Variants in NSG2 observed in about 807,000 individuals in gnomAD.
The protein encoded by NSG2 is neuronal vesicle trafficking-associated protein 2.
NSG2 carries 4 observed loss-of-function variants against 16.9 expected under a neutral mutation model. That is an observed-to-expected ratio of 0.24 (90% CI 0.12 to 0.54). The LOEUF (loss-of-function observed/expected upper bound fraction) is 0.54. Ranked by LOEUF, NSG2 falls within the 20% of genes least tolerant of loss-of-function variation. The pLI is 0.95. For synonymous variants in NSG2, 98 were observed against 88.7 expected (o/e 1.11, Z -0.59); for missense variants, 179 against 221.1 (o/e 0.81, Z 1.21).
In NSG2 at chr5:174,083,601, G is replaced by A. The variant is rs571643533; in HGVS notation, c.213+19286G>A. Among the ~76,000 whole-genome samples, 396 of 152,268 alleles carry A rather than the reference G, an allele frequency of 2.6e-3. 2 individuals carry two copies. Among genetic ancestry groups the A allele is most frequent in the Admixed American group, 4.1e-3 (63 of 15,294 alleles). On this transcript the variant is annotated intron_variant, in intron 3 of 4. Coordinates refer to ENST00000303177, the MANE Select transcript of NSG2 (RefSeq NM_015980.5). ...CTGCTCATGAAATTCAGGAGCTGGC[G>A]TGCTTGCAAAGCTTCCTTGCAAAGC...
chr5:174,047,930 A>G (rs764553500), intron 2 of NSG2, among the ~76,000 whole-genome samples: 1 of 152,228 alleles, frequency 6.6e-6, no homozygotes, highest in African/African-American at 2.4e-5. Context: ...TCCCATTGGC[A>G]TCTGCAGGAG....
intron 2 of NSG2, among the ~76,000 whole-genome samples, chr5:174,050,267 T>C (rs1437994908): frequency 6.6e-6 from 1 of 152,166 alleles, no homozygotes; most frequent in African/African-American, 2.4e-5. Context: ...AAATACAGAG[T>C]ATGCTTGTAA....
At chr5:174,104,546 C>T (rs1050480267) in intron 4 of NSG2, among the ~76,000 whole-genome samples, 3 of 152,234 alleles carry the variant, frequency 2.0e-5, no homozygotes, top group African/African-American at 7.2e-5. Flanking sequence ...CAAGATGGTG[C>T]TCTCCAGGGT....
intron 3 of NSG2, among the ~76,000 whole-genome samples, chr5:174,103,478 A>G (rs913134028): frequency 7.2e-5 from 11 of 152,092 alleles, no homozygotes; most frequent in African/African-American, 2.7e-4. Context: ...TGTGTATTAG[A>G]TGTCCAAGTA....
At chr5:174,050,681 C>A (rs540971140) in intron 2 of NSG2, among the ~76,000 whole-genome samples, 221 of 152,246 alleles carry the variant, frequency 1.5e-3, no homozygotes, top group Non-Finnish European at 2.6e-3. Context: ...TCCATGGCTG[C>A]CCCTTGAGCC....
In NSG2 at chr5:174,046,827, C is replaced by G. The variant is rs141818585; in HGVS notation, c.72C>G (p.Thr24=). 6.2e-7 allele frequency: 1 copy of G among 1,614,022 alleles called. No individual in the cohort carries two copies. The highest frequency in any genetic ancestry group is 8.5e-7 in the Non-Finnish European group (1 of 1,179,998). Reference sequence around the variant, plus strand: ...CTTCAGTTGAGGATGGCTTCCAGACCGTCCCTCTCATCACTCCCTTGGAGG... The same window carrying G: ...CTTCAGTTGAGGATGGCTTCCAGACGGTCCCTCTCATCACTCCCTTGGAGG... ...KPPSVEDGFQ[T]VPLITPLEVN... Residue 24 remains threonine (T), a synonymous_variant, in exon 2 of 5, where the codon ACC becomes ACG. Transcript: ENST00000303177.
At position 174,107,022 on chromosome 5, in the gene NSG2, G is replaced by T. The variant is rs1024399596; in HGVS notation, c.325-292G>T. On this transcript the variant is annotated intron_variant, in intron 4 of 4. Coordinates refer to ENST00000303177, the MANE Select transcript of NSG2 (RefSeq NM_015980.5). The surrounding 1 kb of genome is among the most constrained non-coding windows in gnomAD (Gnocchi z 4.5). ...TCAGCCAGATAGAGGGAGTCTGTGGGGGTCTCTACAGCATCCACTACAGCC... is the reference window on the plus strand; with the variant it reads ...TCAGCCAGATAGAGGGAGTCTGTGGTGGTCTCTACAGCATCCACTACAGCC... Among the ~76,000 whole-genome samples the T allele has an allele frequency of 5.9e-5, 9 of 152,208 alleles. No individual in the cohort carries two copies. The highest frequency in any genetic ancestry group is 5.9e-4 in the Admixed American group (9 of 15,284).
intron 3 of NSG2, among the ~76,000 whole-genome samples, chr5:174,089,623 TTTG>T (rs1760691241): frequency 6.6e-6 from 1 of 151,910 alleles, no homozygotes; most frequent in Non-Finnish European, 1.5e-5. Context: ...TTGTGGGGAT[TTTG>T]TTGTTTGCAT....
chr5:174,049,445 G>GCA lies in NSG2; in HGVS notation c.129+2578_129+2579dup, dbSNP rs200024973. On this transcript the variant is annotated intron_variant, in intron 2 of 4. Coordinates refer to ENST00000303177, the MANE Select transcript of NSG2 (RefSeq NM_015980.5). ...CTAAGCTATATGTGCACGCGCACGT[G>GCA]CACACACACACACACACAATCACTC... Among the ~76,000 whole-genome samples the GCA allele has an allele frequency of 5.0e-3, 759 of 150,400 alleles. 4 individuals are homozygous for GCA. The highest frequency in any genetic ancestry group is 0.016 in the African/African-American group (637 of 40,898).
At chr5:174,085,791 G>A (rs890026687) in intron 3 of NSG2, among the ~76,000 whole-genome samples, 1 of 152,230 alleles carries the variant, frequency 6.6e-6, no homozygotes, top group African/African-American at 2.4e-5. Flanking sequence ...AGGCCTAGGT[G>A]TATTGAGCAA....
chr5:174,071,609 T>C (rs1760243371), intron 3 of NSG2, among the ~76,000 whole-genome samples: 1 of 152,214 alleles, frequency 6.6e-6, no homozygotes, highest in African/African-American at 2.4e-5. Context: ...GGATTTTTGC[T>C]GTTTCATCCG....
chr5:174,104,739 T>C (rs1171295310), intron 4 of NSG2, among the ~76,000 whole-genome samples: 2 of 152,052 alleles, frequency 1.3e-5, no homozygotes, highest in South Asian at 2.1e-4. Context: ...GCCTCTGAGG[T>C]TCTTTGAAGC....
chr5:174,064,555 A>T (rs1581221772), intron 3 of NSG2: 1 of 348,902 alleles, frequency 2.9e-6, no homozygotes, highest in East Asian at 4.2e-5. Context: ...CTCATAATTG[A>T]TAAATGCCTC....
intron 3 of NSG2, among the ~76,000 whole-genome samples, chr5:174,068,248 G>C (rs1760176250): frequency 6.6e-6 from 1 of 152,176 alleles, no homozygotes; most frequent in African/African-American, 2.4e-5. Flanking sequence ...CTGTAAGAGA[G>C]AAAAGAAGGG....
rs1055764633 is a variant in NSG2, at chr5:174,107,950, T to G, written c.*445T>G. 7.4e-5 allele frequency: 27 copies of G among 365,506 alleles called. No individual in the cohort carries two copies. Among genetic ancestry groups the G allele is most frequent in the Non-Finnish European group, 1.4e-4 (26 of 188,092 alleles). The allele number at this position is 365,506 out of a possible 1,614,324, so 22.6% of individuals were successfully genotyped here. A position where few individuals can be genotyped will look rare whatever the true frequency, so the allele number is the denominator to read the frequency against. ...AAGAAAACGTAGCTTCAGTGGGGGC[T>G]CCAGGGTTGCAGAGTATGAGTGACA... is the stretch of plus-strand genomic sequence containing the variant. On this transcript the variant is annotated 3_prime_UTR_variant, in exon 5 of 5. Transcript: ENST00000303177. The surrounding 1 kb of genome is among the most constrained non-coding windows in gnomAD (Gnocchi z 4.5).
In NSG2 at chr5:174,046,759, G is replaced by A. The variant is rs148114082; in HGVS notation, c.4G>A (p.Val2Met). 1 of 1,613,984 alleles carries A rather than the reference G, an allele frequency of 6.2e-7. No homozygotes were observed. The highest frequency in any genetic ancestry group is 1.3e-5 in the African/African-American group (1 of 74,910). M[V>M]KLNSNPSEKG... ...GTCTGGGAAGAAAGGCGTAAGGATG[G>A]TGAAGCTGAACAGTAACCCCAGCGA... Residue 2 changes from valine (V) to methionine (M), a missense_variant, in exon 2 of 5, where the codon GTG becomes ATG. Val to Met is a conservative substitution (Grantham distance 21, BLOSUM62 1). Transcript: ENST00000303177.
chr5:174,056,815 T>G (rs1223195156), intron 2 of NSG2, among the ~76,000 whole-genome samples: 2 of 152,250 alleles, frequency 1.3e-5, no homozygotes, highest in Non-Finnish European at 2.9e-5. Flanking sequence ...GACCTCTCCA[T>G]GTGGGAACGT....
chr5:174,059,330 TCTC>T (rs1278376540), intron 2 of NSG2, among the ~76,000 whole-genome samples: 1 of 152,144 alleles, frequency 6.6e-6, no homozygotes, highest in Non-Finnish European at 1.5e-5. Flanking sequence ...ATTTATCCAT[TCTC>T]CTATTAGTGT....
chr5:174,082,049 T>G (rs1451553541), intron 3 of NSG2, among the ~76,000 whole-genome samples: 1 of 152,194 alleles, frequency 6.6e-6, no homozygotes, highest in Non-Finnish European at 1.5e-5. Flanking sequence ...TGTGGGTAGT[T>G]TTCAGTAAAT....
Sources: gnomAD v4.1 joint callset for allele counts (sites outside exome capture counted in the v4.1 genomes callset) on GRCh38, gnomAD v4.1.1 for gene constraint, Gnocchi (gnomAD v3.1) non-coding constraint, MANE v1.5 for transcripts, NCBI Gene and HGNC (gene_info 2026-07-23, HGNC 2026-07-21) for gene names.